The following ARMC3 variants were observed in gnomAD, a reference collection of about 807,000 sequenced individuals.
ARMC3 encodes armadillo repeat containing 3, also known as armadillo repeat-containing protein 3.
A neutral mutation model predicts 90.3 loss-of-function variants in ARMC3; 74 were observed. The ratio of observed to expected loss-of-function variants is 0.82; its 90% CI spans 0.68 to 0.99. ARMC3 has a LOEUF of 0.99. Among genes scored for constraint, ARMC3 ranks in the 50% least tolerant of loss-of-function variants. The pLI is 0.00. For missense variants in ARMC3, 958 were observed against 1,042.8 expected, an observed-to-expected ratio of 0.92 and a Z score of 1.12; for synonymous variants, 334 against 361.8, an observed-to-expected ratio of 0.92 and a Z score of 0.87.
At chr10:23,002,213 C>G (rs996304400) in intron 12 of ARMC3, among the ~76,000 whole-genome samples, 158 bp downstream of exon 12, 1 of 152,230 alleles carries the variant, frequency 6.6e-6, no homozygotes, top group African/African-American at 2.4e-5. Context: ...TTGGAAGGAA[C>G]CACCTGGAGG....
intron 16 of ARMC3, among the ~76,000 whole-genome samples, chr10:23,018,796 G>C (rs12257887): frequency 3.9e-5 from 6 of 152,076 alleles, no homozygotes; most frequent in African/African-American, 1.2e-4. Flanking sequence ...GATTACAGGC[G>C]TGAGCCACCA....
At chr10:23,000,841 A>G (rs1837249656) in intron 11 of ARMC3, among the ~76,000 whole-genome samples, 1 of 152,356 alleles carries the variant, frequency 6.6e-6, no homozygotes, top group East Asian at 1.9e-4. Flanking sequence ...TGGTAGAATA[A>G]GAACATTCTT....
In ARMC3 at chr10:23,030,705, TC is replaced by T. The variant is rs1838891612; in HGVS notation, c.2156del (p.Ser719LeufsTer12). On this transcript the variant is annotated frameshift_variant, in exon 17 of 19. Transcript: ENST00000298032. LOFTEE classifies it high-confidence loss of function. ...GSSDKEWCPPSDPDFSMYVYE... is the reference protein window; with the variant it reads ...GSSDKEWCPPXDPDFSMYVYE... ...CTCTGACAAAGAATGGTGTCCTCCC[TC>T]TGACCCTGATTTCTCTATGTATGTG... The T allele has an allele frequency of 6.2e-7, 1 of 1,613,818 alleles. No individual in the cohort carries two copies. The highest frequency in any genetic ancestry group is 8.5e-7 in the Non-Finnish European group (1 of 1,179,878).
At chr10:22,997,669 A>G (rs1837053571) in intron 10 of ARMC3, among the ~76,000 whole-genome samples, 2 of 152,200 alleles carry the variant, frequency 1.3e-5, no homozygotes, top group Non-Finnish European at 2.9e-5. Context: ...AGGAGTTCCC[A>G]TGCTCACTCA....
In ARMC3 at chr10:22,998,321, C is replaced by G. The variant is rs1032011139; in HGVS notation, c.1349C>G (p.Ser450Cys). Reference sequence around the variant, plus strand: ...CATGCCATCATCAGCCCACTGCGTTCTGCAAACACAGTCGTGCAGAGCAAA... The same window carrying G: ...CATGCCATCATCAGCCCACTGCGTTGTGCAAACACAGTCGTGCAGAGCAAA... ...IMHAIISPLR[S>C]ANTVVQSKAA... The change falls in exon 11 of 19, where the codon TCT becomes TGT. Residue 450 changes from serine (S) to cysteine (C), a missense_variant. By Grantham distance (112) the Ser-to-Cys change is moderately radical. Transcript: ENST00000298032. 1 of 1,613,518 alleles carries G rather than the reference C, an allele frequency of 6.2e-7. No homozygotes were observed. Among genetic ancestry groups the G allele is most frequent in the Admixed American group, 1.7e-5 (1 of 59,936 alleles).
At chr10:22,942,164 CAG>C (rs1834349182) in intron 2 of ARMC3, among the ~76,000 whole-genome samples, 1 of 152,114 alleles carries the variant, frequency 6.6e-6, no homozygotes, top group African/African-American at 2.4e-5. Flanking sequence ...GGAGAGAAAA[CAG>C]AGGGAGTAAA....
At chr10:23,002,643 C>T (rs1837362669) in intron 12 of ARMC3, among the ~76,000 whole-genome samples, 1 of 150,422 alleles carries the variant, frequency 6.6e-6, no homozygotes. Context: ...CTCTGTTGCC[C>T]AGGCTAAAGT....
At chr10:23,008,410 T>A (rs573072445) in intron 15 of ARMC3, 36 bp downstream of exon 15, 1 of 1,059,112 alleles carries the variant, frequency 9.4e-7, no homozygotes, top group African/African-American at 1.6e-5. Flanking sequence ...TGCAAACAGC[T>A]TCCCCTTTAA....
At chr10:23,029,876 A>C (rs1298171239) in intron 16 of ARMC3, among the ~76,000 whole-genome samples, 1 of 151,896 alleles carries the variant, frequency 6.6e-6, no homozygotes, top group African/African-American at 2.4e-5. Flanking sequence ...TTTTTGCTTT[A>C]TTTCCTTGTT....
At chr10:23,026,519 C>T (rs960959924) in intron 16 of ARMC3, among the ~76,000 whole-genome samples, 1 of 151,710 alleles carries the variant, frequency 6.6e-6, no homozygotes, top group African/African-American at 2.4e-5. Flanking sequence ...AAGCATTTGG[C>T]AAAATTCAAC....
chr10:23,034,859 AG>A (rs1230732144), intron 18 of ARMC3, among the ~76,000 whole-genome samples: 1 of 152,148 alleles, frequency 6.6e-6, no homozygotes, highest in African/African-American at 2.4e-5. Flanking sequence ...GGCCTTAAAT[AG>A]TACCTAAATA....
chr10:23,036,587 T>C (rs1450715826), intron 18 of ARMC3, among the ~76,000 whole-genome samples: 1 of 152,208 alleles, frequency 6.6e-6, no homozygotes, highest in African/African-American at 2.4e-5. Context: ...AGTCCCTTGC[T>C]GGGGTGCGCG....
intron 10 of ARMC3, among the ~76,000 whole-genome samples, chr10:22,997,864 T>A (rs1837067560): frequency 6.6e-6 from 1 of 152,088 alleles, no homozygotes; most frequent in Non-Finnish European, 1.5e-5. Flanking sequence ...TAAGAAGTAG[T>A]AGTCGTCTAT....
chr10:22,998,512 C>T (rs548177880), intron 11 of ARMC3, 115 bp downstream of exon 11: 49 of 1,359,750 alleles, frequency 3.6e-5, no homozygotes, highest in Admixed American at 1.5e-4. Context: ...CCTTCAAAAC[C>T]GGTAAAACAG....
chr10:22,977,489 A>G (rs549315702), intron 8 of ARMC3, among the ~76,000 whole-genome samples: 5 of 152,164 alleles, frequency 3.3e-5, no homozygotes, highest in Admixed American at 2.6e-4. Context: ...ACATCATTCA[A>G]CCAACTGCCC....
intron 2 of ARMC3, among the ~76,000 whole-genome samples, chr10:22,936,514 G>C (rs1834119981): frequency 6.6e-6 from 1 of 152,052 alleles, no homozygotes; most frequent in Non-Finnish European, 1.5e-5. Flanking sequence ...AATTGACTGG[G>C]CTTAAAATTC....
chr10:22,946,848 G>T (rs749055504), intron 3 of ARMC3, among the ~76,000 whole-genome samples: 2 of 152,106 alleles, frequency 1.3e-5, no homozygotes, highest in Non-Finnish European at 1.5e-5. Context: ...AAACACTACC[G>T]CAGCTAGGTG....
chr10:23,006,174 G>A (rs1380392957), intron 13 of ARMC3, among the ~76,000 whole-genome samples: 1 of 152,128 alleles, frequency 6.6e-6, no homozygotes, highest in Non-Finnish European at 1.5e-5. Flanking sequence ...GCATGTGCTA[G>A]GCACAGCAGG....
chr10:22,942,797 G>A (rs1834369802), intron 2 of ARMC3, among the ~76,000 whole-genome samples: 1 of 152,114 alleles, frequency 6.6e-6, no homozygotes, highest in Middle Eastern at 3.2e-3. Flanking sequence ...TATTCATTGT[G>A]ACCTATGATT....
Sources: gnomAD v4.1 joint callset for allele counts (sites outside exome capture counted in the v4.1 genomes callset) on GRCh38, gnomAD v4.1.1 for gene constraint, MANE v1.5 for transcripts, NCBI Gene and HGNC (gene_info 2026-07-23, HGNC 2026-07-21) for gene names.